DPYS: variants seen among roughly 807,000 people sequenced by gnomAD.
DPYS encodes the protein dihydropyrimidine amidohydrolase.
A neutral mutation model predicts 50.3 loss-of-function variants in DPYS; 39 were observed. That is an observed-to-expected ratio of 0.78 (90% CI 0.60 to 1.01). The LOEUF is 1.01. DPYS is among the 50% of genes least tolerant of loss of function. DPYS has a pLI of 0.00. For synonymous variants in DPYS, 245 were observed against 250.7 expected (o/e 0.98, Z 0.22); for missense variants, 659 against 680.9 (o/e 0.97, Z 0.36).
intron 4 of DPYS, among the ~76,000 whole-genome samples, chr8:104,433,575 A>G (rs1813025014): frequency 6.6e-6 from 1 of 152,134 alleles, no homozygotes; most frequent in Admixed American, 6.5e-5. Flanking sequence ...TAGAGGGTGC[A>G]GTGAGCCAAG....
At chr8:104,407,720 A>T (rs1812042438) in intron 7 of DPYS, among the ~76,000 whole-genome samples, 1 of 152,000 alleles carries the variant, frequency 6.6e-6, no homozygotes, top group Admixed American at 6.6e-5. Flanking sequence ...ACAAAACTAC[A>T]ACTTAGTCTT....
intron 7 of DPYS, among the ~76,000 whole-genome samples, chr8:104,398,607 G>A (rs894671633): frequency 6.6e-6 from 1 of 152,214 alleles, no homozygotes; most frequent in Non-Finnish European, 1.5e-5. Flanking sequence ...AGAAAAATCT[G>A]CTTTTGTGAT....
At chr8:104,418,947 G>C (rs1399477871) in intron 7 of DPYS, 1 of 944,552 alleles carries the variant, frequency 1.1e-6, no homozygotes, top group African/African-American at 1.8e-5. Context: ...TTGCCGAGGT[G>C]CTCCTGTGCA....
At position 104,466,868 on chromosome 8, in the gene DPYS, T is replaced by A. The variant is rs1337777394; in HGVS notation, c.53A>T (p.Asp18Val). ...CAGCACGTCGGCCACCTCCGAGAAG[T>A]CATCGTTGACCACGCGACCCCCGCG... ...LIRGGRVVND[D>V]FSEVADVLVE... Residue 18 changes from aspartate (D) to valine (V), a missense_variant, in exon 1 of 10, where the codon GAC becomes GTC. Physicochemically the swap from Asp to Val is radical, Grantham distance 152. Coordinates refer to ENST00000351513, the MANE Select transcript of DPYS (RefSeq NM_001385.3). The A allele has an allele frequency of 6.6e-7, 1 of 1,520,388 alleles. No homozygotes were observed. The highest frequency in any genetic ancestry group is 1.9e-4 in the Middle Eastern group (1 of 5,364). 94.2% of individuals were successfully genotyped at this position (1,520,388 alleles called of 1,614,324 possible). A position where few individuals can be genotyped will look rare whatever the true frequency, so the allele number is the denominator to read the frequency against.
At chr8:104,382,864 T>A (rs1811102553) in intron 8 of DPYS, among the ~76,000 whole-genome samples, 1 of 152,202 alleles carries the variant, frequency 6.6e-6, no homozygotes. Flanking sequence ...CTGGAGCATG[T>A]GACCTAACTG....
chr8:104,431,767 G>T (rs138355137), intron 4 of DPYS, among the ~76,000 whole-genome samples: 85 of 152,228 alleles, frequency 5.6e-4, no homozygotes, highest in Middle Eastern at 3.4e-3. Context: ...TTTGACAGAT[G>T]AAAAAATTGA....
Position 104,400,987 on chromosome 8 carries a change from C to A in DPYS, c.1236-7996G>T, listed in dbSNP as rs531152317. Among the ~76,000 whole-genome samples, 7 of 152,178 alleles carry A rather than the reference C, an allele frequency of 4.6e-5. No homozygotes were observed. The East Asian group carries it at 9.6e-4, about 21-fold the overall frequency. On this transcript the variant is annotated intron_variant, in intron 7 of 9. Coordinates refer to ENST00000351513, the MANE Select transcript of DPYS (RefSeq NM_001385.3). ...AGGAGATAGCAACACCACCCATATG[C>A]ATTCAGAAGGAGCATTGTGGAGAGG...
intron 7 of DPYS, among the ~76,000 whole-genome samples, chr8:104,415,193 T>C (rs1759024554): frequency 2.0e-5 from 3 of 152,166 alleles, no homozygotes; most frequent in Non-Finnish European, 2.9e-5. Flanking sequence ...CAAGCAAATG[T>C]CAAAGATATA....
At chr8:104,418,953 G>A (rs1812461565) in intron 7 of DPYS, 2 of 960,478 alleles carry the variant, frequency 2.1e-6, no homozygotes, top group South Asian at 9.6e-5. Flanking sequence ...AGGTGCTCCT[G>A]TGCAGAGTGA....
At chr8:104,418,573 A>G (rs1812444824) in intron 7 of DPYS, 1 of 152,174 alleles carries the variant, frequency 6.6e-6, no homozygotes, top group African/African-American at 2.4e-5. Flanking sequence ...TCACCTTCTC[A>G]TTTCCTTCTA....
In DPYS at chr8:104,447,374, T is replaced by C; in HGVS notation, c.553A>G (p.Ile185Val). 2 of 1,614,134 alleles carry C rather than the reference T, an allele frequency of 1.2e-6. No individual in the cohort carries two copies. The highest frequency in any genetic ancestry group is 2.2e-5 in the South Asian group (2 of 91,070). ...GCATGGACCTGGGCAATTGCTCCAATTTCCTTGCACCGAGAGAAGGCTTCG... is the reference window on the plus strand; with the variant it reads ...GCATGGACCTGGGCAATTGCTCCAACTTCCTTGCACCGAGAGAAGGCTTCG... The part of the protein sequence containing the change: ...LYEAFSRCKE[I>V]GAIAQVHAEN... The change falls in exon 3 of 10, where the codon ATT (isoleucine) becomes GTT (valine). Residue 185 changes from isoleucine to valine, a missense_variant. Coordinates refer to ENST00000351513, the MANE Select transcript of DPYS (RefSeq NM_001385.3).
At chr8:104,421,971 A>G (rs1812564330) in intron 7 of DPYS, among the ~76,000 whole-genome samples, 1 of 152,198 alleles carries the variant, frequency 6.6e-6, no homozygotes, top group Non-Finnish European at 1.5e-5. Context: ...TCCTCCAAGC[A>G]GCAATATGTG....
At chr8:104,380,381 C>T (rs1810991760) in intron 9 of DPYS, 1 of 152,584 alleles carries the variant, frequency 6.6e-6, no homozygotes, top group Non-Finnish European at 1.5e-5. Context: ...GTTGAACTGT[C>T]TGAAAAGATA....
chr8:104,447,196 G>A (rs933000148), intron 3 of DPYS, 128 bp downstream of exon 3: 1 of 1,248,870 alleles, frequency 8.0e-7, no homozygotes, highest in African/African-American at 1.5e-5. Context: ...CCGAGCCACG[G>A]AAAATCCATT....
chr8:104,429,694 C>A lies in DPYS; in HGVS notation c.801G>T (p.Val267=), dbSNP rs746595395. 6.2e-7 allele frequency: 1 copy of A among 1,614,100 alleles called. No individual in the cohort carries two copies. Among genetic ancestry groups the A allele is most frequent in the Non-Finnish European group, 8.5e-7 (1 of 1,180,010 alleles). ...VIADARRDGK[V]VYGEPIAASL... ...TGGCTGCTATGGGTTCACCATAGAC[C>A]ACCTTCCCTGGAAAGATTAAAAGAA... is the stretch of plus-strand genomic sequence containing the variant. Residue 267 remains valine (V), a synonymous_variant, in exon 5 of 10, where the codon GTG becomes GTT. Transcript: ENST00000351513.
intron 7 of DPYS, among the ~76,000 whole-genome samples, chr8:104,393,427 C>A (rs1177550748): frequency 6.6e-6 from 1 of 152,156 alleles, no homozygotes; most frequent in Non-Finnish European, 1.5e-5. Context: ...CTTCAATACC[C>A]CTTCCCAAAT....
intron 1 of DPYS, among the ~76,000 whole-genome samples, chr8:104,457,093 C>T (rs907468210): frequency 6.6e-6 from 1 of 152,140 alleles, no homozygotes; most frequent in South Asian, 2.1e-4. Context: ...TAATTTATTA[C>T]TGGGCACAGT....
chr8:104,423,780 G>C (rs1481899024), intron 7 of DPYS, among the ~76,000 whole-genome samples: 1 of 152,132 alleles, frequency 6.6e-6, no homozygotes, highest in Non-Finnish European at 1.5e-5. Flanking sequence ...GAATCTACTA[G>C]GAATGATAGG....
chr8:104,381,031 T>C, intron 9 of DPYS, 153 bp downstream of exon 9: 1 of 673,820 alleles, frequency 1.5e-6, no homozygotes, highest in South Asian at 1.6e-5. Flanking sequence ...TATCTAAATG[T>C]TCTGCTTTGA....
Sources: allele counts gnomAD v4.1 joint callset (sites outside exome capture counted in the v4.1 genomes callset), GRCh38; gene constraint gnomAD v4.1.1; transcripts MANE v1.5; gene names NCBI Gene and HGNC (gene_info 2026-07-23, HGNC 2026-07-21).